The following PCDH7 variants were observed in gnomAD, a reference collection of about 807,000 sequenced individuals.
The protein encoded by PCDH7 is protocadherin-7.
Under a neutral mutation model 58.9 loss-of-function variants are expected in PCDH7, and 17 were observed. The ratio of observed to expected loss-of-function variants is 0.29; its 90% CI spans 0.20 to 0.43. The LOEUF (loss-of-function observed/expected upper bound fraction) is 0.43. Among genes scored for constraint, PCDH7 ranks in the 20% least tolerant of loss-of-function variants. PCDH7 has a pLI of 1.00. For missense variants in PCDH7, 1,274 were observed against 1,441.0 expected (o/e 0.88, Z 1.88); for synonymous variants, 664 against 616.4 (o/e 1.08, Z -1.14).
chr4:31,003,889 A>G (rs1215264885), intron 3 of PCDH7, among the ~76,000 whole-genome samples: 1 of 152,140 alleles, frequency 6.6e-6, no homozygotes, highest in African/African-American at 2.4e-5. Flanking sequence ...CTGATTAGGG[A>G]CTCAATCTGT....
At chr4:30,970,868 G>A (rs1297177962) in intron 3 of PCDH7, among the ~76,000 whole-genome samples, 3 of 152,174 alleles carry the variant, frequency 2.0e-5, no homozygotes, top group African/African-American at 4.8e-5. Flanking sequence ...AGTAGTGAAA[G>A]TTGCTTCATC....
chr4:31,142,690 C>G, exon 4 of PCDH7: 1 of 1,367,672 alleles, frequency 7.3e-7, no homozygotes, highest in Non-Finnish European at 9.8e-7. Flanking sequence ...GCAACAGAAA[C>G]CTCCTGAACA....
intron 2 of PCDH7, among the ~76,000 whole-genome samples, chr4:30,929,724 T>A (rs187291517): frequency 6.6e-6 from 1 of 152,316 alleles, no homozygotes; most frequent in East Asian, 1.9e-4. Context: ...TGATCCTCAA[T>A]GCTTAGCGTC....
intron 1 of PCDH7, among the ~76,000 whole-genome samples, chr4:30,820,827 C>T (rs1252894141): frequency 1.3e-5 from 2 of 151,968 alleles, no homozygotes; most frequent in Admixed American, 6.6e-5. Flanking sequence ...AGCGATGACA[C>T]ATGAAGAAAA....
intron 1 of PCDH7, among the ~76,000 whole-genome samples, chr4:30,880,254 A>G (rs906890557): frequency 6.6e-6 from 1 of 151,638 alleles, no homozygotes; most frequent in East Asian, 2.0e-4. Flanking sequence ...AGTGGTCATT[A>G]TCCATAGTAC....
intron 1 of PCDH7, among the ~76,000 whole-genome samples, chr4:30,774,298 C>T (rs1721788249): frequency 1.3e-5 from 2 of 152,136 alleles, no homozygotes; most frequent in African/African-American, 2.4e-5. Context: ...GGCAAAGTTA[C>T]ACAGCAAGTT....
intron 1 of PCDH7, among the ~76,000 whole-genome samples, chr4:30,823,847 T>C (rs1728679143): frequency 6.6e-6 from 1 of 152,102 alleles, no homozygotes; most frequent in African/African-American, 2.4e-5. Context: ...AATGAGAATT[T>C]CCAATTTCTC....
At chr4:30,908,942 G>A (rs1440696993) in intron 1 of PCDH7, among the ~76,000 whole-genome samples, 1 of 152,080 alleles carries the variant, frequency 6.6e-6, no homozygotes, top group Non-Finnish European at 1.5e-5. Context: ...TAAAATACTG[G>A]CAAAGCAAAT....
At chr4:30,840,807 G>A (rs1428610166) in intron 1 of PCDH7, among the ~76,000 whole-genome samples, 3 of 151,854 alleles carry the variant, frequency 2.0e-5, no homozygotes, top group East Asian at 3.9e-4. Flanking sequence ...GAACTCTTCT[G>A]TTTATTTATG....
chr4:30,876,373 T>C (rs767181224), intron 1 of PCDH7, among the ~76,000 whole-genome samples: 1 of 152,112 alleles, frequency 6.6e-6, no homozygotes, highest in Non-Finnish European at 1.5e-5. Context: ...TGATATTACA[T>C]TTTTATACTT....
intron 1 of PCDH7, among the ~76,000 whole-genome samples, chr4:30,741,125 G>T (rs757198438): frequency 4.6e-5 from 7 of 151,988 alleles, no homozygotes; most frequent in Non-Finnish European, 7.4e-5. Context: ...TAATACATAT[G>T]ATCTGAGTTG....
chr4:31,139,128 G>GC (rs1470680494), intron 3 of PCDH7, among the ~76,000 whole-genome samples: 1 of 152,128 alleles, frequency 6.6e-6, no homozygotes, highest in African/African-American at 2.4e-5. Flanking sequence ...GTAATGCTAA[G>GC]CAAGAACAGG....
At chr4:30,799,839 T>C (rs1725290314) in intron 1 of PCDH7, among the ~76,000 whole-genome samples, 1 of 152,036 alleles carries the variant, frequency 6.6e-6, no homozygotes, top group African/African-American at 2.4e-5. Context: ...ATTCTTAATT[T>C]GCTATTTATG....
At chr4:30,890,158 A>G (rs1192840018) in intron 1 of PCDH7, among the ~76,000 whole-genome samples, 1 of 152,160 alleles carries the variant, frequency 6.6e-6, no homozygotes, top group Non-Finnish European at 1.5e-5. Context: ...TCAGAAATAT[A>G]AACTGTAGAG....
At position 30,853,880 on chromosome 4, in the gene PCDH7, G is replaced by A. The variant is rs892948571; in HGVS notation, c.71-66273G>A. The stretch of plus-strand genomic sequence containing the variant: ...TCCCTCTGAGTAGATATGGAAGAAT[G>A]AGCTCCTAAGAGACTAGCCTAATCA... On this transcript the variant is annotated intron_variant, in intron 1 of 3. Transcript: ENST00000509759. Among the ~76,000 whole-genome samples, 6 of 152,114 alleles carry A rather than the reference G, an allele frequency of 3.9e-5. 1 individual carries two copies. In the South Asian group the frequency reaches 1.2e-3, roughly 32 times the overall value.
chr4:30,889,148 A>AC lies in PCDH7; in HGVS notation c.71-31005_71-31004insC, dbSNP rs1481738870. ...GTGAGCAGATATCTCAAAAAAAAAA[A>AC]AAAAAAAAGCAAAAGAAAATACTGT... On this transcript the variant is annotated intron_variant, in intron 1 of 3. Transcript: ENST00000509759. 7.9e-5 allele frequency among the ~76,000 whole-genome samples: 12 copies of AC among 151,104 alleles called. No individual in the cohort carries two copies. The South Asian group carries it at 8.3e-4, about 10-fold the overall frequency.
intron 1 of PCDH7, among the ~76,000 whole-genome samples, chr4:30,759,091 G>A (rs1268751107): frequency 2.0e-5 from 3 of 151,754 alleles, no homozygotes; most frequent in Non-Finnish European, 2.9e-5. Flanking sequence ...ACAGGTGCCC[G>A]CCATGACGCC....
chr4:30,799,265 G>A (rs956590532), intron 1 of PCDH7, among the ~76,000 whole-genome samples: 2 of 152,082 alleles, frequency 1.3e-5, no homozygotes, highest in Admixed American at 6.5e-5. Context: ...GGCATGCTAG[G>A]GGCTGTCTAG....
intron 3 of PCDH7, among the ~76,000 whole-genome samples, chr4:31,023,366 G>C (rs1013199811): frequency 6.6e-6 from 1 of 152,088 alleles, no homozygotes; most frequent in Non-Finnish European, 1.5e-5. Flanking sequence ...CCCTATTCTT[G>C]TCCTGACATC....
Sources: allele counts gnomAD v4.1 joint callset (sites outside exome capture counted in the v4.1 genomes callset), GRCh38; gene constraint gnomAD v4.1.1; transcripts MANE v1.5; gene names NCBI Gene and HGNC (gene_info 2026-07-23, HGNC 2026-07-21).